The following RBFOX3 variants were observed in gnomAD, a reference collection of about 807,000 sequenced individuals.
RBFOX3 encodes RNA binding fox-1 homolog 3.
A neutral mutation model predicts 48.7 loss-of-function variants in RBFOX3; 17 were observed. The observed-to-expected ratio is 0.35, with a 90% CI of 0.24 to 0.52. RBFOX3 has a LOEUF of 0.52. Among genes scored for constraint, RBFOX3 ranks in the 20% least tolerant of loss-of-function variants. The pLI, the probability that RBFOX3 is intolerant of heterozygous loss-of-function variation, is 0.94. For synonymous variants in RBFOX3, 212 were observed against 209.5 expected, an observed-to-expected ratio of 1.01 and a Z score of -0.10; for missense variants, 382 against 497.5, an observed-to-expected ratio of 0.77 and a Z score of 2.21.
chr17:79,096,627 C>T (rs1247480089), intron 12 of RBFOX3, 26 bp downstream of exon 12: 10 of 1,489,856 alleles, frequency 6.7e-6, no homozygotes, highest in Non-Finnish European at 8.2e-6. Flanking sequence ...TGATCCCACC[C>T]TCCCTCCCGG....
chr17:79,319,594 TGGCTGCTGGTCTTGTCCG>T (rs2078118877), intron 2 of RBFOX3, among the ~76,000 whole-genome samples: 4 of 150,844 alleles, frequency 2.7e-5, no homozygotes, highest in African/African-American at 9.8e-5. Flanking sequence ...GTTCTTATCC[TGGCTGCTGGTCTTGTCCG>T]GGCTGCTGGT....
chr17:79,339,590 T>G (rs916931703), intron 2 of RBFOX3, among the ~76,000 whole-genome samples: 1 of 152,076 alleles, frequency 6.6e-6, no homozygotes, highest in Non-Finnish European at 1.5e-5. Context: ...TCTGATTCAG[T>G]ATGTGTGGAA....
intron 2 of RBFOX3, among the ~76,000 whole-genome samples, chr17:79,408,462 T>C (rs2063841861): frequency 6.6e-6 from 1 of 152,220 alleles, no homozygotes; most frequent in Non-Finnish European, 1.5e-5. Flanking sequence ...GGCCCAGGGC[T>C]CTGTGGCTCA....
chr17:79,557,083 A>G (rs2091817463), intron 1 of RBFOX3, among the ~76,000 whole-genome samples: 1 of 152,088 alleles, frequency 6.6e-6, no homozygotes, highest in African/African-American at 2.4e-5. Flanking sequence ...ATCTTTACCA[A>G]AAAATATAAA....
intron 3 of RBFOX3, among the ~76,000 whole-genome samples, chr17:79,253,390 T>C (rs1015516326): frequency 3.6e-4 from 55 of 152,326 alleles, no homozygotes; most frequent in African/African-American, 1.2e-3. Context: ...AAAAACCTCT[T>C]CTGTATCTAT....
At chr17:79,349,433 C>A (rs2083472659) in intron 2 of RBFOX3, among the ~76,000 whole-genome samples, 1 of 152,070 alleles carries the variant, frequency 6.6e-6, no homozygotes, top group African/African-American at 2.4e-5. Context: ...CTCTCACTCT[C>A]CTCCTCACTT....
chr17:79,558,055 G>A (rs1240725024), intron 1 of RBFOX3, among the ~76,000 whole-genome samples: 16 of 152,300 alleles, frequency 1.1e-4, no homozygotes, highest in South Asian at 4.2e-4. Context: ...TTTCTGAGCC[G>A]AGGAAACCCA....
At chr17:79,639,689 T>C in the RBFOX3 span, among the ~76,000 whole-genome samples, 1 of 152,178 alleles carries the variant, frequency 6.6e-6, no homozygotes, top group Non-Finnish European at 1.5e-5. Flanking sequence ...TGGTTCAACA[T>C]ACATAAATCA....
At chr17:79,093,744 G>A (rs1296060235) in intron 14 of RBFOX3, among the ~76,000 whole-genome samples, 1 of 151,416 alleles carries the variant, frequency 6.6e-6, no homozygotes, top group Admixed American at 6.6e-5. Flanking sequence ...TCTGCTGGAA[G>A]CAGCTCTGGG....
intron 3 of RBFOX3, among the ~76,000 whole-genome samples, chr17:79,283,218 G>C (rs2071006848): frequency 6.6e-6 from 1 of 151,878 alleles, no homozygotes; most frequent in African/African-American, 2.4e-5. Context: ...ATAAATGAGG[G>C]AGACAGAAGT....
At chr17:79,620,543 ACG>A in the RBFOX3 span, among the ~76,000 whole-genome samples, 338 of 149,684 alleles carry the variant, frequency 2.3e-3, 4 homozygotes, top group African/African-American at 8.1e-3. Context: ...ACATGCACAC[ACG>A]CATGCACACA....
At chr17:79,631,185 C>T in the RBFOX3 span, among the ~76,000 whole-genome samples, 681 of 152,264 alleles carry the variant, frequency 4.5e-3, 5 homozygotes, top group African/African-American at 0.015. Context: ...CCTCCCCAGG[C>T]GGCTCCAGTG....
intron 3 of RBFOX3, among the ~76,000 whole-genome samples, chr17:79,296,816 TCTC>T (rs1481019994): frequency 1.1e-5 from 1 of 91,134 alleles, no homozygotes; most frequent in Non-Finnish European, 2.2e-5. Context: ...CCTCCCCACT[TCTC>T]CTCCCCTTCT....
intron 2 of RBFOX3, among the ~76,000 whole-genome samples, chr17:79,342,542 C>A (rs1011722892): frequency 6.6e-6 from 1 of 152,196 alleles, no homozygotes; most frequent in Non-Finnish European, 1.5e-5. Flanking sequence ...CCAAAGCCTG[C>A]AATGAATCCC....
intron 1 of RBFOX3, among the ~76,000 whole-genome samples, chr17:79,544,567 G>A (rs73426837): frequency 0.03 from 4,556 of 151,886 alleles, 232 homozygotes; most frequent in African/African-American, 0.11. Flanking sequence ...GGAGTACCCC[G>A]ACCCTCCATA....
intron 3 of RBFOX3, among the ~76,000 whole-genome samples, chr17:79,274,956 T>G (rs2068455892): frequency 7.0e-6 from 1 of 142,178 alleles, no homozygotes; most frequent in Non-Finnish European, 1.5e-5. Flanking sequence ...GGGTCTCACA[T>G]GGCCCCCGCA....
chr17:79,318,262 G>A (rs910600499), intron 2 of RBFOX3, among the ~76,000 whole-genome samples: 2 of 152,210 alleles, frequency 1.3e-5, no homozygotes, highest in Non-Finnish European at 2.9e-5. Flanking sequence ...AGCAAGGAGG[G>A]AAGAGGAGAA....
intron 3 of RBFOX3, among the ~76,000 whole-genome samples, chr17:79,271,306 C>A (rs1448828091): frequency 6.6e-6 from 1 of 152,166 alleles, no homozygotes; most frequent in Non-Finnish European, 1.5e-5. Context: ...GAATTCCTGA[C>A]CTCAGATGAT....
In RBFOX3 at chr17:79,109,854, G is replaced by A. The variant is rs550411347; in HGVS notation, c.223-3066C>T. 6.6e-5 allele frequency among the ~76,000 whole-genome samples: 10 copies of A among 152,332 alleles called. No homozygotes were observed. The South Asian group carries it at 1.9e-3, about 28-fold the overall frequency. ...GTCCTAAAGGGGAGCAGCCGAGGAT[G>A]AGGCGGGAGGAAGGGGGTGATGGGG... On this transcript the variant is annotated intron_variant, in intron 5 of 14. Transcript: ENST00000693108.
Sources: allele counts gnomAD v4.1 joint callset (sites outside exome capture counted in the v4.1 genomes callset), GRCh38; gene constraint gnomAD v4.1.1; transcripts MANE v1.5; gene names NCBI Gene and HGNC (gene_info 2026-07-23, HGNC 2026-07-21).